Variants in JAK2 observed in about 807,000 individuals in gnomAD.
The protein encoded by JAK2 is tyrosine-protein kinase JAK2.
A neutral mutation model predicts 139.3 loss-of-function variants in JAK2; 86 were observed. The ratio of observed to expected loss-of-function variants is 0.62; its 90% confidence interval spans 0.52 to 0.74. JAK2 has a LOEUF of 0.74. Ranked by LOEUF, JAK2 falls within the 30% of genes least tolerant of loss-of-function variation. JAK2 has a pLI of 0.00. For missense variants in JAK2, 1,421 were observed against 1,360.3 expected (o/e 1.04, Z -0.70); for synonymous variants, 490 against 437.7 (o/e 1.12, Z -1.49).
intron 22 of JAK2, among the ~76,000 whole-genome samples, chr9:5,119,081 A>C (rs963154470): frequency 2.0e-5 from 3 of 152,162 alleles, no homozygotes; most frequent in Non-Finnish European, 4.4e-5. Context: ...TCATGTTTTA[A>C]ATATATGATT....
At chr9:5,086,069 C>G in intron 19 of JAK2, 2 of 687,806 alleles carry the variant, frequency 2.9e-6, no homozygotes, top group East Asian at 2.9e-5. Context: ...AATAGGGTAT[C>G]TGAGACAAGT....
In JAK2 at chr9:5,126,771, A is replaced by C. The variant is rs757720246; in HGVS notation, c.3379A>C (p.Arg1127=). ...TCTAGCTCTTCGAGTGGATCAAATAAGGGATAACATGGCTGGATGAAAGAA... is the reference window on the plus strand; with the variant it reads ...TCTAGCTCTTCGAGTGGATCAAATACGGGATAACATGGCTGGATGAAAGAA... ...RDLALRVDQI[R]DNMAG is the part of the protein sequence containing the mutation. The change falls in exon 25 of 25, where the codon AGG becomes CGG. Residue 1127 remains arginine (R), a synonymous_variant. Coordinates refer to ENST00000381652, the MANE Select transcript of JAK2 (RefSeq NM_004972.4). 13 of 1,607,484 alleles carry C rather than the reference A, an allele frequency of 8.1e-6. No homozygotes were observed. The highest frequency in any genetic ancestry group is 1.1e-5 in the Non-Finnish European group (13 of 1,174,916).
At chr9:5,081,653 T>C in intron 18 of JAK2, 72 bp from the exon 19 acceptor site, 1 of 1,080,770 alleles carries the variant, frequency 9.3e-7, no homozygotes, top group Non-Finnish European at 1.4e-6. Context: ...TTGGTCAACT[T>C]GAATGTATAT....
rs182093484 is a variant in JAK2, at chr9:5,030,570, T to C, written c.350+664T>C. Among the ~76,000 whole-genome samples the C allele has an allele frequency of 1.9e-3, 282 of 152,252 alleles. 4 individuals are homozygous for C. Among genetic ancestry groups the C allele is most frequent in the Admixed American group, 0.017 (256 of 15,290 alleles). On this transcript the variant is annotated intron_variant, in intron 4 of 24. Coordinates refer to ENST00000381652, the MANE Select transcript of JAK2 (RefSeq NM_004972.4). Reference sequence around the variant, plus strand: ...GAATTTGGAGCACTGAGAAGTAATATTACTCAAATTTATTCATGGTCACAC... The same window carrying C: ...GAATTTGGAGCACTGAGAAGTAATACTACTCAAATTTATTCATGGTCACAC...
chr9:5,040,971 T>A, intron 4 of JAK2: 1 of 577,478 alleles, frequency 1.7e-6, no homozygotes, highest in Admixed American at 2.3e-5. Flanking sequence ...CAAACAAATA[T>A]GTGGCTATCA....
At chr9:5,020,858 T>C (rs1045502162) in intron 2 of JAK2, among the ~76,000 whole-genome samples, 1 of 152,004 alleles carries the variant, frequency 6.6e-6, no homozygotes, top group Non-Finnish European at 1.5e-5. Flanking sequence ...ATGCAGGGGC[T>C]GTTGGGCTCC....
intron 12 of JAK2, 82 bp from the exon 13 acceptor site, chr9:5,072,410 C>T: frequency 2.9e-6 from 3 of 1,027,334 alleles, no homozygotes; most frequent in African/African-American, 1.6e-5. Context: ...TAAAAAAATT[C>T]TTCCTCATTG....
chr9:4,995,195 T>C (rs1165597375), intron 2 of JAK2, among the ~76,000 whole-genome samples: 2 of 152,236 alleles, frequency 1.3e-5, no homozygotes. Context: ...TCTTCACTCA[T>C]ATCTTGGCCC....
chr9:4,994,522 T>G (rs929894917), intron 2 of JAK2, among the ~76,000 whole-genome samples: 1 of 152,202 alleles, frequency 6.6e-6, no homozygotes, highest in African/African-American at 2.4e-5. Context: ...AAACCAGGGA[T>G]TGGCAAGATT....
chr9:5,043,578 T>C (rs1816774509), intron 4 of JAK2, among the ~76,000 whole-genome samples: 1 of 152,196 alleles, frequency 6.6e-6, no homozygotes, highest in Non-Finnish European at 1.5e-5. Flanking sequence ...ACCATATGAC[T>C]CAGCAATTCT....
intron 4 of JAK2, among the ~76,000 whole-genome samples, chr9:5,043,180 G>T (rs1312277824): frequency 6.6e-6 from 1 of 152,222 alleles, no homozygotes; most frequent in Non-Finnish European, 1.5e-5. Context: ...CTGGCTGGCG[G>T]ACTCCCAGCG....
chr9:5,017,999 A>G (rs1157227471), intron 2 of JAK2, among the ~76,000 whole-genome samples: 1 of 152,108 alleles, frequency 6.6e-6, no homozygotes, highest in Non-Finnish European at 1.5e-5. Flanking sequence ...TAAAGGTGAG[A>G]TGAGGTTTTG....
At chr9:5,111,412 G>A (rs116320107) in intron 22 of JAK2, 1 of 401,644 alleles carries the variant, frequency 2.5e-6, no homozygotes, top group Non-Finnish European at 4.8e-6. Flanking sequence ...GCCTGGACAC[G>A]CAGCCCACGA....
chr9:5,122,375 G>A (rs543961479), intron 22 of JAK2, among the ~76,000 whole-genome samples: 25 of 152,044 alleles, frequency 1.6e-4, no homozygotes, highest in African/African-American at 6.0e-4. Context: ...CTGGTTAACA[G>A]GTTCTTTCTT....
intron 3 of JAK2, 87 bp downstream of exon 3, chr9:5,022,300 A>G: frequency 4.9e-6 from 4 of 809,702 alleles, no homozygotes; most frequent in Non-Finnish European, 7.6e-6. Context: ...CATAATATAT[A>G]TTTTTATTTT....
At chr9:5,117,787 G>A (rs747310580) in intron 22 of JAK2, among the ~76,000 whole-genome samples, 1 of 152,004 alleles carries the variant, frequency 6.6e-6, no homozygotes, top group Non-Finnish European at 1.5e-5. Flanking sequence ...AAGAGTATAC[G>A]AGGAAGCCTG....
At chr9:5,018,520 G>A (rs539806504) in intron 2 of JAK2, among the ~76,000 whole-genome samples, 31 of 152,072 alleles carry the variant, frequency 2.0e-4, no homozygotes, top group Admixed American at 4.6e-4. Context: ...TGTATTTTTC[G>A]TAGACATGGG....
chr9:5,011,494 T>A (rs1408773498), intron 2 of JAK2, among the ~76,000 whole-genome samples: 2 of 152,202 alleles, frequency 1.3e-5, no homozygotes, highest in African/African-American at 4.8e-5. Flanking sequence ...CTGGCCTAGA[T>A]TTCTTGATAT....
intron 14 of JAK2, among the ~76,000 whole-genome samples, 179 bp from the exon 15 acceptor site, chr9:5,077,274 T>A (rs929348557): frequency 1.3e-5 from 2 of 150,720 alleles, no homozygotes; most frequent in Non-Finnish European, 3.0e-5. Flanking sequence ...CTGTTGTAAG[T>A]AAACTAAAAA....
Sources: gnomAD v4.1 joint callset for allele counts (sites outside exome capture counted in the v4.1 genomes callset) on GRCh38, gnomAD v4.1.1 for gene constraint, MANE v1.5 for transcripts, NCBI Gene and HGNC (gene_info 2026-07-23, HGNC 2026-07-21) for gene names.